The following SLC19A1 variants were observed in gnomAD, a reference collection of about 807,000 sequenced individuals.
SLC19A1 encodes reduced folate transporter.
SLC19A1 carries 37 observed loss-of-function variants against 35.3 expected under a neutral mutation model. The ratio of observed to expected loss-of-function variants is 1.05; its 90% CI spans 0.81 to 1.38. The LOEUF is 1.38. Among genes scored for constraint, SLC19A1 ranks in the 40% most tolerant of loss-of-function variants. The pLI is 0.00. For synonymous variants in SLC19A1, 460 were observed against 398.5 expected (o/e 1.15, Z -1.84); for missense variants, 831 against 826.9 (o/e 1.00, Z -0.06).
chr21:45,537,719 T>TGGGGGGCCCCCCCCCCCCCC, intron 2 of SLC19A1, 52 bp downstream of exon 2: 1 of 319,776 alleles, frequency 3.1e-6, no homozygotes, highest in Non-Finnish European at 5.6e-6. Context: ...CAGACGCTGC[T>TGGGGGGCCCCCCCCCCCCCC]CCCCGCCCAC....
In SLC19A1 at chr21:45,530,649, T is replaced by C. The variant is rs1335085344; in HGVS notation, c.1151+121A>G. The C allele has an allele frequency of 6.7e-6, 7 of 1,050,384 alleles. No individual in the cohort carries two copies. Among genetic ancestry groups the C allele is most frequent in the Non-Finnish European group, 9.6e-6 (7 of 731,804 alleles). 65.1% of individuals were successfully genotyped at this position (1,050,384 alleles called of 1,614,324 possible). On this transcript the variant is annotated intron_variant, in intron 4 of 5. Transcript: ENST00000311124. The surrounding 1 kb of genome is among the most constrained non-coding windows in gnomAD (Gnocchi z 5.3). ...GGGACCCTGGTCAGCTCCAGGTGGC[T>C]GGCGGGGCCAGCAGTGGCACAGCCG...
At chr21:45,509,963 C>A, downstream of SLC19A1, 1 of 1,359,242 alleles carries the variant, frequency 7.4e-7, no homozygotes, top group Non-Finnish European at 1.0e-6. Flanking sequence ...GCCCCTCGGC[C>A]GTGCCTGTCC....
chr21:45,539,452 G>A (rs2078236936), intron 1 of SLC19A1, among the ~76,000 whole-genome samples: 1 of 152,240 alleles, frequency 6.6e-6, no homozygotes, highest in African/African-American at 2.4e-5. Context: ...CAGGGGGTCT[G>A]CAGAGGGTCT....
At chr21:45,505,748 C>T (rs944408697) in intron 3 of SLC19A1, 1 of 1,094,126 alleles carries the variant, frequency 9.1e-7, no homozygotes, top group East Asian at 2.6e-5. Flanking sequence ...GCGGCCCCTG[C>T]CCAGCACCCT....
At chr21:45,508,517 AGTGGATGGGTGG>A (rs1040015890), downstream of SLC19A1, among the ~76,000 whole-genome samples, 13 of 148,048 alleles carry the variant, frequency 8.8e-5, no homozygotes, top group South Asian at 8.5e-4. Context: ...TAAGTGGGTT[AGTGGATGGGTGG>A]GTGGATGGAT....
In SLC19A1 at chr21:45,533,958, A is replaced by G. The variant is rs1044107052; in HGVS notation, c.190-1810T>C. 2.6e-5 allele frequency among the ~76,000 whole-genome samples: 4 copies of G among 151,458 alleles called. No individual in the cohort carries two copies. Among genetic ancestry groups the G allele is most frequent in the African/African-American group, 9.7e-5 (4 of 41,208 alleles). Reference sequence around the variant, plus strand: ...CCAGGGGCTCAGGGGAAGGCTGCCCAGAGACCCCACCTCAGGGCACCCTGA... The same window carrying G: ...CCAGGGGCTCAGGGGAAGGCTGCCCGGAGACCCCACCTCAGGGCACCCTGA... On this transcript the variant is annotated intron_variant, in intron 2 of 5. Transcript: ENST00000311124. This position sits in a 1 kb window ranked among gnomAD's most constrained non-coding sequence, Gnocchi z 4.5.
intron 1 of SLC19A1, among the ~76,000 whole-genome samples, chr21:45,558,613 C>T (rs948070125): frequency 4.6e-5 from 7 of 152,016 alleles, no homozygotes; most frequent in African/African-American, 7.2e-5. Context: ...TTGGTTTGAG[C>T]GAGGGCAGGC....
At chr21:45,504,193 T>C in intron 3 of SLC19A1, 1 of 1,041,514 alleles carries the variant, frequency 9.6e-7, no homozygotes. Flanking sequence ...CCAGAGGGTG[T>C]CGAGGGCGTC....
In SLC19A1 at chr21:45,515,105, G is replaced by C; in HGVS notation, c.*553C>G. The stretch of plus-strand genomic sequence containing the variant: ...ATGACAATGTGTCTGCCGCCAACCT[G>C]AGATGGCTTTTCCACAGAGACAGAG... On this transcript the variant is annotated 3_prime_UTR_variant, in exon 6 of 6. Transcript: ENST00000311124. 3 of 1,544,060 alleles carry C rather than the reference G, an allele frequency of 1.9e-6. No individual in the cohort carries two copies. In the South Asian group the frequency reaches 3.6e-5, roughly 19 times the overall value.
downstream of SLC19A1, among the ~76,000 whole-genome samples, chr21:45,509,132 T>TG (rs1323004365): frequency 2.6e-5 from 4 of 152,154 alleles, 1 homozygote; most frequent in South Asian, 8.3e-4. Flanking sequence ...GCTGGGTCTG[T>TG]GGGGCCTGAG....
chr21:45,537,719 T>TGGGGGGGGGGGCCCCC, intron 2 of SLC19A1, 52 bp downstream of exon 2: 1 of 319,776 alleles, frequency 3.1e-6, no homozygotes, highest in Non-Finnish European at 5.6e-6. Context: ...CAGACGCTGC[T>TGGGGGGGGGGGCCCCC]CCCCGCCCAC....
At position 45,505,223 on chromosome 21, in the gene SLC19A1, T is replaced by C. The variant is rs1040197101; in HGVS notation, c.498-6611A>G. 6.5e-5 allele frequency: 103 copies of C among 1,580,792 alleles called. No homozygotes were observed. Among genetic ancestry groups the C allele is most frequent in the African/African-American group, 6.1e-4 (42 of 68,988 alleles). On this transcript the variant is annotated intron_variant, in intron 3 of 4. Transcript: ENST00000417954. ...TCGGCTACGAGGGGCGCCAGGGCCC[T>C]CCCGGCCCCCCAGGCCCCCCAGGGC... is the stretch of plus-strand genomic sequence containing the variant.
chr21:45,535,305 C>CA (rs2078071137), intron 2 of SLC19A1, among the ~76,000 whole-genome samples: 1 of 152,230 alleles, frequency 6.6e-6, no homozygotes, highest in South Asian at 2.1e-4. Context: ...AGCTGACACT[C>CA]AAAGCAGAAA....
At chr21:45,519,396 C>G (rs1314501863) in intron 5 of SLC19A1, among the ~76,000 whole-genome samples, 1 of 151,966 alleles carries the variant, frequency 6.6e-6, no homozygotes, top group Non-Finnish European at 1.5e-5. Flanking sequence ...CAGAGATTAG[C>G]AAAGTCGATT....
At chr21:45,509,662 G>T, downstream of SLC19A1, 1 of 925,170 alleles carries the variant, frequency 1.1e-6, no homozygotes, top group Non-Finnish European at 1.7e-6. Context: ...GGCAGCAGAA[G>T]AGGGCCCAGC....
intron 1 of SLC19A1, among the ~76,000 whole-genome samples, chr21:45,553,051 A>T (rs573919494): frequency 1.1e-3 from 166 of 152,162 alleles, no homozygotes; most frequent in African/African-American, 3.7e-3. Flanking sequence ...TTCCACTAAA[A>T]CAAGACTCCA....
In SLC19A1 at chr21:45,504,401, T is replaced by C. The variant is rs766824081; in HGVS notation, c.498-5789A>G. 10 of 1,609,542 alleles carry C rather than the reference T, an allele frequency of 6.2e-6. No individual in the cohort carries two copies. Among genetic ancestry groups the C allele is most frequent in the South Asian group, 1.1e-5 (1 of 90,768 alleles). The stretch of plus-strand genomic sequence containing the variant: ...GGGTTCAGGGCTCCCGTGTAACAAG[T>C]GTTTCCGTCCACAGGGGGAGAAGGG... On this transcript the variant is annotated intron_variant, in intron 3 of 4. Transcript: ENST00000417954.
At chr21:45,510,892 C>A (rs2037537538), downstream of SLC19A1, among the ~76,000 whole-genome samples, 1 of 152,068 alleles carries the variant, frequency 6.6e-6, no homozygotes, top group Non-Finnish European at 1.5e-5. Flanking sequence ...ACGCTTGTTC[C>A]CTGGCAGGAC....
chr21:45,548,057 C>T (rs143400103), upstream of SLC19A1, among the ~76,000 whole-genome samples: 275 of 152,274 alleles, frequency 1.8e-3, 3 homozygotes, highest in African/African-American at 6.1e-3. Context: ...AAAGTGACGT[C>T]GGAGAGCTCA....
Sources: gnomAD v4.1 joint callset for allele counts (sites outside exome capture counted in the v4.1 genomes callset) on GRCh38, gnomAD v4.1.1 for gene constraint, Gnocchi (gnomAD v3.1) non-coding constraint, MANE v1.5 for transcripts, NCBI Gene and HGNC (gene_info 2026-07-23, HGNC 2026-07-21) for gene names.